Variants in CERS6 observed in about 807,000 individuals in gnomAD.
The protein encoded by CERS6 is LAG1 homolog, ceramide synthase 6.
CERS6 carries 26 observed loss-of-function variants against 56.8 expected under a neutral mutation model. The observed-to-expected ratio is 0.46, with a 90% CI of 0.34 to 0.63. The LOEUF is 0.63. Ranked by LOEUF, CERS6 falls within the 30% of genes least tolerant of loss-of-function variation. The probability of loss-of-function intolerance (pLI) is 0.01; values close to 1 mark genes in which losing one functional copy is unlikely to be tolerated. For synonymous variants in CERS6, 164 were observed against 173.3 expected (o/e 0.95, Z 0.42); for missense variants, 415 against 467.5 (o/e 0.89, Z 1.04).
At chr2:168,575,415 T>G (rs1370259027) in intron 3 of CERS6, among the ~76,000 whole-genome samples, 2 of 150,424 alleles carry the variant, frequency 1.3e-5, no homozygotes, top group African/African-American at 4.9e-5. Flanking sequence ...AAGGGGAGAG[T>G]GAGAGTGAGG....
chr2:168,564,474 A>G (rs1161212792), intron 3 of CERS6, among the ~76,000 whole-genome samples: 3 of 152,208 alleles, frequency 2.0e-5, no homozygotes, highest in Non-Finnish European at 4.4e-5. Context: ...CTAAAATACT[A>G]CTATCCCCAT....
intron 4 of CERS6, among the ~76,000 whole-genome samples, chr2:168,684,011 C>T (rs1267478548): frequency 6.6e-6 from 1 of 152,114 alleles, no homozygotes; most frequent in African/African-American, 2.4e-5. Context: ...GACCTGAGTG[C>T]CCATCTCCAA....
At chr2:168,588,820 C>A (rs958969936) in intron 3 of CERS6, among the ~76,000 whole-genome samples, 1 of 152,204 alleles carries the variant, frequency 6.6e-6, no homozygotes, top group Admixed American at 6.5e-5. Context: ...CTCACTGCAA[C>A]CTCCACCTCC....
chr2:168,533,131 C>CTT (rs1366218364), intron 1 of CERS6, among the ~76,000 whole-genome samples: 1 of 152,150 alleles, frequency 6.6e-6, no homozygotes, highest in Non-Finnish European at 1.5e-5. Context: ...GAATATTATA[C>CTT]TTGTTGTGTA....
At chr2:168,671,659 A>G (rs1685921046) in intron 4 of CERS6, among the ~76,000 whole-genome samples, 1 of 152,210 alleles carries the variant, frequency 6.6e-6, no homozygotes, top group Non-Finnish European at 1.5e-5. Context: ...CATATAATAC[A>G]ATCCTATTAT....
chr2:168,589,715 A>T (rs1260170670), intron 3 of CERS6, among the ~76,000 whole-genome samples: 1 of 152,246 alleles, frequency 6.6e-6, no homozygotes, highest in African/African-American at 2.4e-5. Flanking sequence ...TTAATTTATT[A>T]AAGATGTCTT....
intron 3 of CERS6, among the ~76,000 whole-genome samples, chr2:168,562,631 C>G (rs369388546): frequency 6.6e-6 from 1 of 152,214 alleles, no homozygotes; most frequent in East Asian, 1.9e-4. Flanking sequence ...AATAACAAGG[C>G]AGCATTGCTG....
intron 3 of CERS6, among the ~76,000 whole-genome samples, chr2:168,567,202 G>A (rs1695899855): frequency 6.6e-6 from 1 of 152,102 alleles, no homozygotes; most frequent in African/African-American, 2.4e-5. Context: ...AACAGTCCCT[G>A]GTTTGGAGAA....
intron 4 of CERS6, among the ~76,000 whole-genome samples, chr2:168,635,423 A>T (rs1186166593): frequency 6.6e-6 from 1 of 152,124 alleles, no homozygotes. Context: ...ACGTGATGAC[A>T]AGAACTAGAA....
At chr2:168,518,751 A>C (rs1694926533) in intron 1 of CERS6, among the ~76,000 whole-genome samples, 1 of 152,140 alleles carries the variant, frequency 6.6e-6, no homozygotes. Flanking sequence ...AGCTGTCACT[A>C]ATACTGACAC....
intron 4 of CERS6, chr2:168,644,052 T>G (rs1425349667): frequency 2.3e-5 from 23 of 979,014 alleles, no homozygotes; most frequent in Non-Finnish European, 2.8e-5. Flanking sequence ...AGCATAAAAA[T>G]CTTTCTGTGG....
chr2:168,635,493 G>A (rs759474142), intron 4 of CERS6, among the ~76,000 whole-genome samples: 2 of 152,144 alleles, frequency 1.3e-5, no homozygotes, highest in Non-Finnish European at 2.9e-5. Context: ...TTCCTCAAGT[G>A]CTTCTAAGAA....
intron 4 of CERS6, among the ~76,000 whole-genome samples, chr2:168,638,554 A>G (rs1684915294): frequency 2.0e-5 from 3 of 152,186 alleles, no homozygotes; most frequent in Admixed American, 1.3e-4. Context: ...TTTGGACTTT[A>G]TATTTTGACA....
At chr2:168,509,067 T>A (rs1694731861) in intron 1 of CERS6, among the ~76,000 whole-genome samples, 1 of 152,200 alleles carries the variant, frequency 6.6e-6, no homozygotes, top group South Asian at 2.1e-4. Flanking sequence ...GTACTCATAC[T>A]GGCTACAGAA....
chr2:168,645,177 A>AGAGAGAGT (rs1685163758), intron 4 of CERS6, among the ~76,000 whole-genome samples: 1 of 128,238 alleles, frequency 7.8e-6, no homozygotes, highest in African/African-American at 3.0e-5. Context: ...AGAGAGAGAG[A>AGAGAGAGT]GAGAGAGAGA....
intron 8 of CERS6, among the ~76,000 whole-genome samples, chr2:168,764,390 C>T (rs1478148627): frequency 6.6e-6 from 1 of 152,104 alleles, no homozygotes; most frequent in African/African-American, 2.4e-5. Flanking sequence ...GATCCGCCCA[C>T]CTCGGCCTCC....
At chr2:168,576,386 T>C (rs1163585005) in intron 3 of CERS6, among the ~76,000 whole-genome samples, 1 of 152,176 alleles carries the variant, frequency 6.6e-6, no homozygotes, top group Non-Finnish European at 1.5e-5. Context: ...ACTGCCCAAA[T>C]ACATTTTGAG....
At chr2:168,743,538 G>C (rs554551420) in intron 8 of CERS6, among the ~76,000 whole-genome samples, 14 of 87,278 alleles carry the variant, frequency 1.6e-4, no homozygotes, top group Admixed American at 4.2e-4. Flanking sequence ...GGGAAGCTGA[G>C]GCGAGACTGT....
intron 1 of CERS6, among the ~76,000 whole-genome samples, chr2:168,512,958 G>A (rs570026584): frequency 3.3e-5 from 5 of 152,194 alleles, no homozygotes; most frequent in African/African-American, 7.2e-5. Context: ...GAGCTGCTGC[G>A]CCTGGCCTCT....
Sources: allele counts gnomAD v4.1 joint callset (sites outside exome capture counted in the v4.1 genomes callset), GRCh38; gene constraint gnomAD v4.1.1; transcripts MANE v1.5; gene names NCBI Gene and HGNC (gene_info 2026-07-23, HGNC 2026-07-21).